The following IPO7 variants were observed in gnomAD, a reference collection of about 807,000 sequenced individuals.
The protein encoded by IPO7 is importin-7.
In IPO7, 13 loss-of-function variants were observed where a neutral mutation model predicts 136.4. The observed-to-expected ratio is 0.10, with a 90% confidence interval of 0.06 to 0.15. The LOEUF (loss-of-function observed/expected upper bound fraction) is 0.15. Ranked by LOEUF, IPO7 falls within the 10% of genes least tolerant of loss-of-function variation. The probability of loss-of-function intolerance (pLI) is 1.00; values close to 1 mark genes in which losing one functional copy is unlikely to be tolerated. For missense variants in IPO7, 857 were observed against 1,240.6 expected, an observed-to-expected ratio of 0.69 and a Z score of 4.65; for synonymous variants, 403 against 404.4, an observed-to-expected ratio of 1.00 and a Z score of 0.04.
intron 1 of IPO7, among the ~76,000 whole-genome samples, chr11:9,391,458 A>C (rs991346883): frequency 1.3e-5 from 2 of 152,162 alleles, no homozygotes. Flanking sequence ...CTGTAATCCC[A>C]GCACTTTGGG....
chr11:9,423,395 C>A (rs553202413), intron 9 of IPO7, among the ~76,000 whole-genome samples: 39 of 152,256 alleles, frequency 2.6e-4, no homozygotes, highest in African/African-American at 8.7e-4. Context: ...TAATATTGGA[C>A]TATGATTATA....
intron 1 of IPO7, among the ~76,000 whole-genome samples, chr11:9,392,509 G>T (rs528016704): frequency 4.4e-4 from 67 of 152,120 alleles, no homozygotes; most frequent in East Asian, 4.1e-3. Context: ...AAGTTCCTTG[G>T]CTCTTGAAAT....
chr11:9,390,678 G>C (rs1854616400), intron 1 of IPO7, among the ~76,000 whole-genome samples: 1 of 152,190 alleles, frequency 6.6e-6, no homozygotes, highest in African/African-American at 2.4e-5. Flanking sequence ...TTTGGGCGCA[G>C]TGGCTCACGC....
intron 19 of IPO7, 45 bp downstream of exon 19, chr11:9,435,076 A>C (rs1410345179): frequency 3.5e-6 from 4 of 1,129,304 alleles, no homozygotes; most frequent in Non-Finnish European, 5.3e-6. Flanking sequence ...TTCTGCTATA[A>C]AATGTATGAA....
At chr11:9,387,078 A>G (rs946887970) in intron 1 of IPO7, among the ~76,000 whole-genome samples, 2 of 152,164 alleles carry the variant, frequency 1.3e-5, no homozygotes, top group African/African-American at 4.8e-5. Flanking sequence ...ATCTCAGACA[A>G]GTCTTGAATA....
chr11:9,399,799 TAAGTA>T (rs1160871493), intron 1 of IPO7, among the ~76,000 whole-genome samples: 1 of 152,120 alleles, frequency 6.6e-6, no homozygotes, highest in African/African-American at 2.4e-5. Flanking sequence ...GAAGGGTGTT[TAAGTA>T]AAGTGACAAT....
intron 15 of IPO7, 50 bp downstream of exon 15, chr11:9,429,884 A>C: frequency 3.6e-6 from 5 of 1,386,256 alleles, no homozygotes; most frequent in Non-Finnish European, 3.9e-6. Flanking sequence ...TGTAGCTCTC[A>C]GTATGTTCCA....
chr11:9,400,040 T>C (rs1393159434), intron 1 of IPO7, among the ~76,000 whole-genome samples: 1 of 152,182 alleles, frequency 6.6e-6, no homozygotes. Flanking sequence ...TATAAAATGG[T>C]GTAGTATTTG....
At position 9,434,978 on chromosome 11, in the gene IPO7, A is replaced by G. The variant is rs757349309; in HGVS notation, c.2119A>G (p.Thr707Ala). ...TAATTATGTAACAGTTGATACAGAC[A>G]CACTTCTGTCTGACACCAAGTATCT... ...LHNYVTVDTD[T>A]LLSDTKYLEM... The change falls in exon 19 of 25, where the codon ACA (threonine) becomes GCA (alanine). Residue 707 changes from threonine to alanine, a missense_variant. Thr to Ala is a moderately conservative substitution (Grantham distance 58). Coordinates refer to ENST00000379719, the MANE Select transcript of IPO7 (RefSeq NM_006391.3). The G allele has an allele frequency of 6.2e-7, 1 of 1,609,316 alleles. No homozygotes were observed. Among genetic ancestry groups the G allele is most frequent in the South Asian group, 1.1e-5 (1 of 90,966 alleles).
At chr11:9,405,709 C>T (rs576014516) in intron 2 of IPO7, among the ~76,000 whole-genome samples, 3 of 152,368 alleles carry the variant, frequency 2.0e-5, no homozygotes, top group African/African-American at 7.2e-5. Flanking sequence ...GGGCGTGAGC[C>T]ACCATGCCTG....
chr11:9,428,670 T>G (rs765740758), intron 13 of IPO7, 41 bp downstream of exon 13: 10 of 1,048,624 alleles, frequency 9.5e-6, no homozygotes, highest in Middle Eastern at 4.1e-4. Context: ...TTTTGTCTTG[T>G]AATGAATGAC....
chr11:9,387,300 TTATAG>T (rs1854564795), intron 1 of IPO7, among the ~76,000 whole-genome samples: 1 of 152,170 alleles, frequency 6.6e-6, no homozygotes, highest in African/African-American at 2.4e-5. Context: ...ATTAAAGTGT[TTATAG>T]TATAGACAGT....
intron 1 of IPO7, chr11:9,402,847 G>C (rs1392115758): frequency 6.2e-6 from 1 of 162,322 alleles, no homozygotes; most frequent in African/African-American, 2.6e-5. Flanking sequence ...CAGTAAGACT[G>C]TCTCAAAAAA....
At chr11:9,433,167 G>A (rs1855323931) in intron 16 of IPO7, 1 of 161,312 alleles carries the variant, frequency 6.2e-6, no homozygotes, top group South Asian at 1.7e-4. Flanking sequence ...TGTATTTTTA[G>A]TAGAGACGGG....
Position 9,438,268 on chromosome 11 carries a change from A to G in IPO7, c.2678A>G (p.Glu893Gly). 6.4e-7 allele frequency: 1 copy of G among 1,559,282 alleles called. No homozygotes were observed. The highest frequency in any genetic ancestry group is 8.8e-7 in the Non-Finnish European group (1 of 1,132,010). ...ENDSDDDDEA[E>G]DDDETEELGS... ...GACAGTGATGATGATGATGAAGCTG[A>G]AGATGATGATGAAACCGGTAAGGGA... is the stretch of plus-strand genomic sequence containing the variant. The change falls in exon 22 of 25, where the codon GAA (glutamate) becomes GGA (glycine). Residue 893 changes from glutamate to glycine, a missense_variant. Glu to Gly is a moderately conservative substitution (Grantham distance 98). This residue lies in a region of IPO7 where 119 missense variants were observed against 155.5 expected (regional missense o/e 0.77). Coordinates refer to ENST00000379719, the MANE Select transcript of IPO7 (RefSeq NM_006391.3).
At chr11:9,436,944 C>T (rs191571575) in intron 20 of IPO7, among the ~76,000 whole-genome samples, 1,732 of 127,016 alleles carry the variant, frequency 0.014, 59 homozygotes, top group African/African-American at 0.049. Flanking sequence ...GGAGTGCAGT[C>T]GCGCAATCTC....
chr11:9,405,374 C>A (rs1044127801), intron 2 of IPO7, among the ~76,000 whole-genome samples: 6 of 152,086 alleles, frequency 3.9e-5, no homozygotes, highest in Non-Finnish European at 8.8e-5. Context: ...TGGGGTTTCA[C>A]CGTGTTAGCC....
chr11:9,414,605 C>CAACCCT (rs1855013743), intron 5 of IPO7, 194 bp downstream of exon 5: 1 of 254,582 alleles, frequency 3.9e-6, no homozygotes, highest in Non-Finnish European at 7.2e-6. Flanking sequence ...AATACATAAA[C>CAACCCT]AACCCTAATG....
chr11:9,426,281 CTCTTTGTGGGTGACT>C (rs994088192), intron 12 of IPO7, among the ~76,000 whole-genome samples: 1 of 152,094 alleles, frequency 6.6e-6, no homozygotes, highest in African/African-American at 2.4e-5. Flanking sequence ...TAATACGTAG[CTCTTTGTGGGTGACT>C]TCTTTCATTT....
Sources: gnomAD v4.1 joint callset for allele counts (sites outside exome capture counted in the v4.1 genomes callset) on GRCh38, gnomAD v4.1.1 for gene constraint, gnomAD v4.1.1 regional missense constraint, MANE v1.5 for transcripts, NCBI Gene and HGNC (gene_info 2026-07-23, HGNC 2026-07-21) for gene names.